The following GRIN2B variants were observed in gnomAD, a reference collection of about 807,000 sequenced individuals.
GRIN2B encodes the protein glutamate ionotropic receptor NMDA type subunit 2B, also known as glutamate receptor ionotropic, NMDA 2B.
Under a neutral mutation model 114.5 loss-of-function variants are expected in GRIN2B, and 5 were observed. That is an observed-to-expected ratio of 0.04 (90% CI 0.02 to 0.09). GRIN2B has a LOEUF of 0.09. Among genes scored for constraint, GRIN2B ranks in the 10% least tolerant of loss-of-function variants. The pLI, the probability that GRIN2B is intolerant of heterozygous loss-of-function variation, is 1.00. For synonymous variants in GRIN2B, 787 were observed against 745.1 expected (o/e 1.06, Z -0.92); for missense variants, 1,108 against 1,943.5 (o/e 0.57, Z 8.08).
intron 10 of GRIN2B, among the ~76,000 whole-genome samples, chr12:13,601,494 T>A (rs1310135631): frequency 6.6e-6 from 1 of 152,104 alleles, no homozygotes; most frequent in Non-Finnish European, 1.5e-5. Context: ...TTTTGAGATC[T>A]TTAACTTAAT....
At chr12:13,933,205 G>A (rs1277096486) in intron 2 of GRIN2B, among the ~76,000 whole-genome samples, 1 of 152,070 alleles carries the variant, frequency 6.6e-6, no homozygotes, top group East Asian at 1.9e-4. Flanking sequence ...CACCACCTCT[G>A]CAAATAGTAC....
chr12:13,574,912 C>T (rs903120172), intron 10 of GRIN2B, among the ~76,000 whole-genome samples: 1 of 152,130 alleles, frequency 6.6e-6, no homozygotes, highest in Non-Finnish European at 1.5e-5. Flanking sequence ...ATAGAGTGCC[C>T]ACTAACAGAG....
rs539766294 is a variant in GRIN2B, at chr12:13,683,237, G to A, written c.1011-7378C>T. Reference sequence around the variant, plus strand: ...AATGCCCCAAAATGCTTAGTGGTGAGAGGTGAATAGAAAGAAAATAAAGGG... The same window carrying A: ...AATGCCCCAAAATGCTTAGTGGTGAAAGGTGAATAGAAAGAAAATAAAGGG... On this transcript the variant is annotated intron_variant, in intron 4 of 13. Transcript: ENST00000609686. Among the ~76,000 whole-genome samples, 6 of 152,226 alleles carry A rather than the reference G, an allele frequency of 3.9e-5. No individual in the cohort carries two copies. The East Asian group carries it at 9.7e-4, about 25-fold the overall frequency.
At chr12:13,938,877 T>C (rs1409545876) in intron 2 of GRIN2B, among the ~76,000 whole-genome samples, 1 of 152,220 alleles carries the variant, frequency 6.6e-6, no homozygotes, top group Non-Finnish European at 1.5e-5. Context: ...TAAATTTTTG[T>C]GGCAATTTTA....
intron 3 of GRIN2B, among the ~76,000 whole-genome samples, chr12:13,816,212 A>C (rs1422130481): frequency 1.3e-5 from 2 of 152,192 alleles, no homozygotes. Flanking sequence ...TTGCACCTCT[A>C]GTTCAACAGA....
chr12:13,753,934 A>G lies in GRIN2B; in HGVS notation c.412-19T>C. 2.0e-6 allele frequency: 3 copies of G among 1,506,720 alleles called. No individual in the cohort carries two copies. Among genetic ancestry groups the G allele is most frequent in the Non-Finnish European group, 2.8e-6 (3 of 1,083,082 alleles). The allele number at this position is 1,506,720 out of a possible 1,614,324, so 93.3% of individuals were successfully genotyped here. A position where few individuals can be genotyped will look rare whatever the true frequency, so the allele number is the denominator to read the frequency against. On this transcript the variant is annotated intron_variant, in intron 3 of 13. Coordinates refer to ENST00000609686, the MANE Select transcript of GRIN2B (RefSeq NM_000834.5). This position sits in a 1 kb window ranked among gnomAD's most constrained non-coding sequence, Gnocchi z 6.2. Reference sequence around the variant, plus strand: ...ATTCATCCTAGAAAAAGAACAGGACAAAAAAAGGAAGAGAGAAAAAAATCA... The same window carrying G: ...ATTCATCCTAGAAAAAGAACAGGACGAAAAAAGGAAGAGAGAAAAAAATCA...
chr12:13,830,688 A>C (rs933449730), intron 3 of GRIN2B, among the ~76,000 whole-genome samples: 1 of 152,222 alleles, frequency 6.6e-6, no homozygotes, highest in Non-Finnish European at 1.5e-5. Flanking sequence ...ACTAAGCCAC[A>C]AGATAGCATC....
At chr12:13,885,338 A>G (rs1282855175) in intron 2 of GRIN2B, among the ~76,000 whole-genome samples, 2 of 152,208 alleles carry the variant, frequency 1.3e-5, no homozygotes, top group Non-Finnish European at 2.9e-5. Context: ...AATCTGACTT[A>G]AGTGTCAACT....
At chr12:13,896,475 A>G (rs1394787919) in intron 2 of GRIN2B, among the ~76,000 whole-genome samples, 1 of 152,230 alleles carries the variant, frequency 6.6e-6, no homozygotes, top group African/African-American at 2.4e-5. Flanking sequence ...CAAAGGAAGC[A>G]AAAAATGGAC....
In GRIN2B at chr12:13,559,739, T is replaced by C. The variant is rs1948517981; in HGVS notation, c.*3044A>G. 1 of 152,234 alleles carries C rather than the reference T, an allele frequency of 6.6e-6. No homozygotes were observed. Among genetic ancestry groups the C allele is most frequent in the Non-Finnish European group, 1.5e-5 (1 of 68,066 alleles). The allele number at this position is 152,234 out of a possible 1,614,324, so 9.4% of individuals were successfully genotyped here. On this transcript the variant is annotated 3_prime_UTR_variant, in exon 14 of 14. Coordinates refer to ENST00000609686, the MANE Select transcript of GRIN2B (RefSeq NM_000834.5). ...CAAAAAGTAGAGTTAGTGGAGATTT[T>C]TCCACGTGTGTTTGCCAGGCTGACT... is the stretch of plus-strand genomic sequence containing the variant.
intron 10 of GRIN2B, among the ~76,000 whole-genome samples, chr12:13,606,003 T>C (rs563415096): frequency 5.6e-4 from 86 of 152,286 alleles, no homozygotes; most frequent in African/African-American, 2.0e-3. Context: ...CCCTGCCATG[T>C]CATGCATGGT....
chr12:13,587,977 C>T (rs1436165110), intron 10 of GRIN2B, among the ~76,000 whole-genome samples: 1 of 152,146 alleles, frequency 6.6e-6, no homozygotes, highest in Admixed American at 6.5e-5. Flanking sequence ...TTGCACCAGC[C>T]TTAATATAGT....
chr12:13,849,791 C>T (rs935428075), intron 3 of GRIN2B, among the ~76,000 whole-genome samples: 9 of 152,148 alleles, frequency 5.9e-5, no homozygotes, highest in African/African-American at 1.9e-4. Context: ...ACTGAGCACA[C>T]CTCGTGTGCT....
chr12:13,724,103 T>C (rs1484290613), intron 4 of GRIN2B, among the ~76,000 whole-genome samples: 1 of 152,126 alleles, frequency 6.6e-6, no homozygotes, highest in African/African-American at 2.4e-5. Context: ...GAAATAAGTC[T>C]GCCTTTAAAA....
chr12:13,607,087 T>G (rs1949261981), intron 10 of GRIN2B, among the ~76,000 whole-genome samples: 1 of 142,448 alleles, frequency 7.0e-6, no homozygotes. Context: ...CACCCCACAC[T>G]GGCAGCCCTG....
chr12:13,855,342 G>C (rs1359656037), intron 3 of GRIN2B, among the ~76,000 whole-genome samples: 1 of 152,140 alleles, frequency 6.6e-6, no homozygotes, highest in Non-Finnish European at 1.5e-5. Context: ...TTTTCTAAAG[G>C]TCACACAGTA....
intron 2 of GRIN2B, among the ~76,000 whole-genome samples, chr12:13,960,667 G>C (rs539696617): frequency 6.6e-6 from 1 of 152,136 alleles, no homozygotes; most frequent in Non-Finnish European, 1.5e-5. Flanking sequence ...GATCAGTAAA[G>C]GTTTTAGGGT....
chr12:13,593,704 T>G (rs1197865600), intron 10 of GRIN2B, among the ~76,000 whole-genome samples: 2 of 152,156 alleles, frequency 1.3e-5, no homozygotes, highest in Non-Finnish European at 2.9e-5. Context: ...ACTAAAGAGC[T>G]TCTGCACAGC....
At chr12:13,666,924 T>C (rs1291330862) in intron 5 of GRIN2B, among the ~76,000 whole-genome samples, 2 of 152,186 alleles carry the variant, frequency 1.3e-5, no homozygotes, top group Admixed American at 6.5e-5. Flanking sequence ...AGTAGCTTGT[T>C]TGGTGAAAAA....
Sources: allele counts gnomAD v4.1 joint callset (sites outside exome capture counted in the v4.1 genomes callset), GRCh38; gene constraint gnomAD v4.1.1; non-coding constraint Gnocchi (gnomAD v3.1); transcripts MANE v1.5; gene names NCBI Gene and HGNC (gene_info 2026-07-23, HGNC 2026-07-21).